Variants in HACD4 observed in about 807,000 individuals in gnomAD.
HACD4 encodes very-long-chain (3R)-3-hydroxyacyl-CoA dehydratase 4.
A neutral mutation model predicts 33.3 loss-of-function variants in HACD4; 35 were observed. The observed-to-expected ratio is 1.05, with a 90% CI of 0.80 to 1.39. The LOEUF is 1.39. Ranked by LOEUF, HACD4 falls within the 40% of genes most tolerant of loss-of-function variation. The pLI is 0.00. For missense variants in HACD4, 323 were observed against 276.5 expected (o/e 1.17, Z -1.19); for synonymous variants, 118 against 98.0 (o/e 1.20, Z -1.21).
At chr9:21,021,687 T>A (rs1187921481) in intron 3 of HACD4, among the ~76,000 whole-genome samples, 1 of 152,102 alleles carries the variant, frequency 6.6e-6, no homozygotes, top group Non-Finnish European at 1.5e-5. Context: ...GTGAAGGACC[T>A]CTTCAAGGAG....
rs1425005713 is a variant in HACD4 at position 21,002,835 on chromosome 9, G to C, written c.*4202C>G. 6.6e-6 allele frequency: 1 copy of C among 152,194 alleles called. No individual in the cohort carries two copies. The highest frequency in any genetic ancestry group is 1.9e-4 in the East Asian group (1 of 5,186). The allele number at this position is 152,194 out of a possible 1,614,324, so 9.4% of individuals were successfully genotyped here. ...GAGAAAGTAAGCCTTTGTCTACACTGTACAAAATGAAATAGGGATTTGGTG... is the reference window on the plus strand; with the variant it reads ...GAGAAAGTAAGCCTTTGTCTACACTCTACAAAATGAAATAGGGATTTGGTG... On this transcript the variant is annotated 3_prime_UTR_variant, in exon 7 of 7. Transcript: ENST00000495827.
At chr9:21,022,589 A>T (rs1178193764) in intron 3 of HACD4, among the ~76,000 whole-genome samples, 1 of 151,926 alleles carries the variant, frequency 6.6e-6, no homozygotes, top group Non-Finnish European at 1.5e-5. Flanking sequence ...AAAAGAACAC[A>T]TTTATGCAGC....
chr9:21,014,340 C>A (rs994093241), intron 4 of HACD4, among the ~76,000 whole-genome samples: 2 of 152,148 alleles, frequency 1.3e-5, no homozygotes, highest in Non-Finnish European at 2.9e-5. Context: ...TAAGTGGATA[C>A]ACAGAAAGTG....
chr9:21,009,534 T>C (rs1399711000), intron 5 of HACD4, among the ~76,000 whole-genome samples: 1 of 152,214 alleles, frequency 6.6e-6, no homozygotes, highest in Non-Finnish European at 1.5e-5. Context: ...ATATATTCTT[T>C]TAAATTTGAT....
intron 6 of HACD4, among the ~76,000 whole-genome samples, chr9:21,007,650 C>G (rs920448928): frequency 1.3e-5 from 2 of 152,006 alleles, no homozygotes; most frequent in African/African-American, 4.8e-5. Context: ...AAAAGCCAAA[C>G]AAACAAGAAA....
intron 4 of HACD4, among the ~76,000 whole-genome samples, chr9:21,014,703 T>C (rs1351322834): frequency 6.6e-6 from 1 of 152,180 alleles, no homozygotes; most frequent in Non-Finnish European, 1.5e-5. Context: ...AATTTTATGG[T>C]ATATAAATTA....
rs183166278 is a variant in HACD4, at chr9:21,002,804, A to C, written c.*4233T>G. 3 of 152,290 alleles carry C rather than the reference A, an allele frequency of 2.0e-5. No homozygotes were observed. In the East Asian group the frequency reaches 5.8e-4, roughly 29 times the overall value. The allele number at this position is 152,290 out of a possible 1,614,324, so 9.4% of individuals were successfully genotyped here. A position where few individuals can be genotyped will look rare whatever the true frequency, so the allele number is the denominator to read the frequency against. On this transcript the variant is annotated 3_prime_UTR_variant, in exon 7 of 7. Coordinates refer to ENST00000495827, the MANE Select transcript of HACD4 (RefSeq NM_001010915.5). ...GGTTCCTATTTCATCTATGTTACTT[A>C]GATTTGAGAAAGTAAGCCTTTGTCT... is the stretch of plus-strand genomic sequence containing the variant.
chr9:21,016,946 A>T (rs1371307404), intron 3 of HACD4, among the ~76,000 whole-genome samples: 1 of 152,170 alleles, frequency 6.6e-6, no homozygotes, highest in Non-Finnish European at 1.5e-5. Context: ...AAATAAAAAA[A>T]TACATTCCTT....
At chr9:21,016,145 C>G (rs1301253495) in intron 3 of HACD4, 135 bp from the exon 4 acceptor site, 4 of 556,606 alleles carry the variant, frequency 7.2e-6, no homozygotes, top group African/African-American at 5.8e-5. Context: ...GTTAACAATG[C>G]CTCCCTCTGA....
rs1842187153 is a variant in HACD4 at position 21,002,773 on chromosome 9, T to G, written c.*4264A>C. 6.6e-6 allele frequency: 1 copy of G among 152,194 alleles called. No individual in the cohort carries two copies. The highest frequency in any genetic ancestry group is 2.4e-5 in the African/African-American group (1 of 41,458). 9.4% of individuals were successfully genotyped at this position (152,194 alleles called of 1,614,324 possible). A position where few individuals can be genotyped will look rare whatever the true frequency, so the allele number is the denominator to read the frequency against. On this transcript the variant is annotated 3_prime_UTR_variant, in exon 7 of 7. Coordinates refer to ENST00000495827, the MANE Select transcript of HACD4 (RefSeq NM_001010915.5). ...TTGTCTTAGATATGTTTTCAAAATA[T>G]CTAATGGTTCCTATTTCATCTATGT...
intron 3 of HACD4, among the ~76,000 whole-genome samples, chr9:21,025,845 C>A (rs931868125): frequency 1.3e-5 from 2 of 152,092 alleles, no homozygotes; most frequent in Admixed American, 6.6e-5. Flanking sequence ...TAACTAAGTG[C>A]CAGGAACTTA....
Position 21,031,578 on chromosome 9 carries a change from C to G in HACD4, c.13G>C (p.Ala5Pro). Residue 5 changes from alanine (A) to proline (P), a missense_variant, in exon 1 of 7, where the codon GCG becomes CCG. Coordinates refer to ENST00000495827, the MANE Select transcript of HACD4 (RefSeq NM_001010915.5). Reference protein sequence around the residue: MGPLALPAWLQPRYR... With the variant: MGPLPLPAWLQPRYR... ...CTGGGCTGCAGCCAGGCGGGCAGCG[C>G]CAAGGGCCCCATGGGCCGCCGCCGC... 2.8e-6 allele frequency: 4 copies of G among 1,447,546 alleles called. No individual in the cohort carries two copies. The highest frequency in any genetic ancestry group is 3.6e-6 in the Non-Finnish European group (4 of 1,105,950). 89.7% of individuals were successfully genotyped at this position (1,447,546 alleles called of 1,614,324 possible).
chr9:21,012,834 A>C (rs924131402), intron 4 of HACD4, among the ~76,000 whole-genome samples: 4 of 152,128 alleles, frequency 2.6e-5, no homozygotes, highest in Non-Finnish European at 4.4e-5. Flanking sequence ...TGGGAGGCCA[A>C]GCTGGGCAGA....
intron 2 of HACD4, among the ~76,000 whole-genome samples, chr9:21,028,695 T>A (rs1310283703): frequency 3.3e-5 from 5 of 152,220 alleles, no homozygotes; most frequent in African/African-American, 1.2e-4. Context: ...GAGAATGTTA[T>A]TTTGATAGTC....
intron 3 of HACD4, chr9:21,017,792 G>A (rs1420476695): frequency 6.6e-6 from 1 of 152,148 alleles, no homozygotes; most frequent in African/African-American, 2.4e-5. Context: ...TTGGAAACAA[G>A]GAATTTGGGA....
intron 3 of HACD4, among the ~76,000 whole-genome samples, chr9:21,024,741 T>G (rs1447627130): frequency 3.3e-5 from 5 of 152,216 alleles, no homozygotes; most frequent in Admixed American, 6.5e-5. Context: ...TAAATAACAC[T>G]ACTTTTGATT....
In HACD4 at chr9:21,003,113, T is replaced by TAAGA. The variant is rs552997418; in HGVS notation, c.*3920_*3923dup. On this transcript the variant is annotated 3_prime_UTR_variant, in exon 7 of 7. Coordinates refer to ENST00000495827, the MANE Select transcript of HACD4 (RefSeq NM_001010915.5). ...ATTGTGTCTGTCACCAAAGGAAATG[T>TAAGA]AAGATCTTTTTATGTTACAATTGTT... 18 of 152,276 alleles carry TAAGA rather than the reference T, an allele frequency of 1.2e-4. No individual in the cohort carries two copies. Among genetic ancestry groups the TAAGA allele is most frequent in the South Asian group, 1.0e-3 (5 of 4,832 alleles). 9.4% of individuals were successfully genotyped at this position (152,276 alleles called of 1,614,324 possible).
intron 1 of HACD4, chr9:21,031,302 G>A (rs1587845206): frequency 3.7e-6 from 1 of 271,100 alleles, no homozygotes; most frequent in Non-Finnish European, 5.7e-6. Context: ...CAAGGGCAGG[G>A]GTAGCCATGC....
intron 1 of HACD4, among the ~76,000 whole-genome samples, chr9:21,030,707 A>T (rs1268261698): frequency 7.2e-5 from 11 of 152,206 alleles, no homozygotes; most frequent in African/African-American, 2.4e-4. Context: ...AACATTTTGC[A>T]AGGGTAGATA....
Sources: gnomAD v4.1 joint callset for allele counts (sites outside exome capture counted in the v4.1 genomes callset) on GRCh38, gnomAD v4.1.1 for gene constraint, MANE v1.5 for transcripts, NCBI Gene and HGNC (gene_info 2026-07-23, HGNC 2026-07-21) for gene names.